NCK1: variants seen among roughly 807,000 people sequenced by gnomAD.
The protein encoded by NCK1 is NCK adaptor protein 1, also known as SH2/SH3 adapter protein NCK1.
In NCK1, 19 loss-of-function variants were observed where a neutral mutation model predicts 36.6. The ratio of observed to expected loss-of-function variants is 0.52; its 90% confidence interval spans 0.36 to 0.76. The LOEUF is 0.76. Ranked by LOEUF, NCK1 falls within the 30% of genes least tolerant of loss-of-function variation. The pLI, the probability that NCK1 is intolerant of heterozygous loss-of-function variation, is 0.00. For synonymous variants in NCK1, 165 were observed against 156.0 expected, an observed-to-expected ratio of 1.06 and a Z score of -0.43; for missense variants, 358 against 445.6, an observed-to-expected ratio of 0.80 and a Z score of 1.77.
intron 1 of NCK1, among the ~76,000 whole-genome samples, chr3:136,869,475 G>A (rs534780163): frequency 5.4e-4 from 83 of 152,332 alleles, no homozygotes; most frequent in African/African-American, 1.8e-3. Context: ...AACCCGGGAG[G>A]CAGGGGTTGC....
intron 1 of NCK1, chr3:136,900,169 C>A: frequency 3.5e-6 from 1 of 284,908 alleles, no homozygotes; most frequent in East Asian, 9.3e-5. Context: ...CATTGGCGCT[C>A]TCCCTTCACT....
At chr3:136,875,136 C>T (rs1938730403) in intron 1 of NCK1, among the ~76,000 whole-genome samples, 1 of 152,050 alleles carries the variant, frequency 6.6e-6, no homozygotes, top group Non-Finnish European at 1.5e-5. Flanking sequence ...ATGTATTAGT[C>T]TTTGAGGACT....
At chr3:136,942,698 C>T (rs1940708858) in intron 2 of NCK1, among the ~76,000 whole-genome samples, 1 of 152,190 alleles carries the variant, frequency 6.6e-6, no homozygotes, top group Non-Finnish European at 1.5e-5. Context: ...GCACGTCCTT[C>T]TTGATTGGTA....
chr3:136,885,845 A>G lies in NCK1; in HGVS notation c.-19+23492A>G, dbSNP rs74736071. Among the ~76,000 whole-genome samples, 978 of 152,328 alleles carry G rather than the reference A, an allele frequency of 6.4e-3. 5 individuals are homozygous for G. The highest frequency in any genetic ancestry group is 0.01 in the Non-Finnish European group (712 of 68,026). Reference sequence around the variant, plus strand: ...TCTGGGCTCTTTATAGCAACCTTTCATAAGAGATATGTTCTTTTTAGAATG... The same window carrying G: ...TCTGGGCTCTTTATAGCAACCTTTCGTAAGAGATATGTTCTTTTTAGAATG... On this transcript the variant is annotated intron_variant, in intron 1 of 3. Coordinates refer to ENST00000481752, the MANE Select transcript of NCK1 (RefSeq NM_001291999.2).
intron 2 of NCK1, among the ~76,000 whole-genome samples, chr3:136,929,505 T>C (rs1940337972): frequency 6.6e-6 from 1 of 152,228 alleles, no homozygotes; most frequent in Non-Finnish European, 1.5e-5. Context: ...CCATTATTTT[T>C]AGTTTTTCAA....
chr3:136,908,249 A>G (rs1939739034), intron 1 of NCK1, among the ~76,000 whole-genome samples: 2 of 152,148 alleles, frequency 1.3e-5, no homozygotes, highest in Non-Finnish European at 2.9e-5. Flanking sequence ...ACATTCCTTC[A>G]CCAGTAGCTG....
intron 1 of NCK1, chr3:136,899,774 C>G: frequency 7.3e-7 from 1 of 1,364,686 alleles, no homozygotes; most frequent in Non-Finnish European, 1.0e-6. Context: ...CTTGAGACTT[C>G]TGCACATTAG....
intron 1 of NCK1, chr3:136,889,335 G>A (rs111616017): frequency 3.8e-5 from 6 of 158,964 alleles, no homozygotes; most frequent in African/African-American, 9.6e-5. Flanking sequence ...GGCGCGTCTG[G>A]AGTTTGCTCC....
intron 1 of NCK1, among the ~76,000 whole-genome samples, chr3:136,890,598 T>G (rs528579174): frequency 1.3e-5 from 2 of 152,378 alleles, no homozygotes; most frequent in East Asian, 3.9e-4. Context: ...GAATAATATG[T>G]AATTTTACAG....
chr3:136,903,365 G>GT (rs1260541926), intron 1 of NCK1, among the ~76,000 whole-genome samples: 1 of 152,092 alleles, frequency 6.6e-6, no homozygotes, highest in Non-Finnish European at 1.5e-5. Flanking sequence ...TTTATTGTAG[G>GT]TAGTATATAG....
At chr3:136,922,641 T>G (rs1940141641) in intron 1 of NCK1, among the ~76,000 whole-genome samples, 1 of 152,228 alleles carries the variant, frequency 6.6e-6, no homozygotes, top group Non-Finnish European at 1.5e-5. Context: ...GAAATACTAT[T>G]TCTCCCCTAT....
chr3:136,867,229 A>G (rs1288013556), intron 1 of NCK1, among the ~76,000 whole-genome samples: 5 of 125,530 alleles, frequency 4.0e-5, no homozygotes, highest in South Asian at 5.4e-4. Context: ...CCTTCCGTCC[A>G]TCCATCCGTC....
intron 1 of NCK1, among the ~76,000 whole-genome samples, chr3:136,869,410 T>C: frequency 6.6e-6 from 1 of 152,104 alleles, no homozygotes; most frequent in South Asian, 2.1e-4. Flanking sequence ...CTGAGTGTGA[T>C]GGCGAATGCC....
intron 1 of NCK1, among the ~76,000 whole-genome samples, chr3:136,863,185 A>C (rs879623219): frequency 6.6e-6 from 1 of 152,190 alleles, no homozygotes; most frequent in Non-Finnish European, 1.5e-5. Flanking sequence ...AAGCCCTAGA[A>C]ATTAGGAAAG....
chr3:136,900,295 T>G (rs2108099290), intron 1 of NCK1, among the ~76,000 whole-genome samples: 1 of 152,322 alleles, frequency 6.6e-6, no homozygotes, highest in South Asian at 2.1e-4. Flanking sequence ...ATTCCATTAG[T>G]CTATGTGTCT....
chr3:136,932,018 G>C (rs1940403960), intron 2 of NCK1, among the ~76,000 whole-genome samples: 1 of 151,654 alleles, frequency 6.6e-6, no homozygotes, highest in African/African-American at 2.4e-5. Flanking sequence ...TACTTGGGAA[G>C]CTGAGGCAGG....
chr3:136,902,180 CTTTGTTTTTTTTTTTTTTT>C (rs1939557542), intron 1 of NCK1, among the ~76,000 whole-genome samples: 1 of 108,610 alleles, frequency 9.2e-6, no homozygotes, highest in African/African-American at 3.3e-5. Context: ...CTTCTTAACT[CTTTGTTTTTTTTTTTTTTT>C]TTTGTTTTTG....
chr3:136,936,163 C>T (rs1940525607), intron 2 of NCK1, among the ~76,000 whole-genome samples: 1 of 151,938 alleles, frequency 6.6e-6, no homozygotes, highest in South Asian at 2.1e-4. Context: ...GCCTCAGCCT[C>T]CCAAGTAGCT....
Position 136,948,495 on chromosome 3 carries a change from C to T in NCK1, c.*42C>T. On this transcript the variant is annotated 3_prime_UTR_variant, in exon 4 of 4. Transcript: ENST00000481752. ...TGACTGCTGTGTAGCTGTAATTTGT[C>T]ATGTAATTGAAGACTGAGAAAATGT... is the stretch of plus-strand genomic sequence containing the variant. 1 of 1,541,588 alleles carries T rather than the reference C, an allele frequency of 6.5e-7. No individual in the cohort carries two copies. The highest frequency in any genetic ancestry group is 8.9e-7 in the Non-Finnish European group (1 of 1,129,488).
Sources: allele counts gnomAD v4.1 joint callset (sites outside exome capture counted in the v4.1 genomes callset), GRCh38; gene constraint gnomAD v4.1.1; transcripts MANE v1.5; gene names NCBI Gene and HGNC (gene_info 2026-07-23, HGNC 2026-07-21).